Variants in NOVA1 observed in about 807,000 individuals in gnomAD.
NOVA1 encodes RNA-binding protein Nova-1.
A neutral mutation model predicts 38.0 loss-of-function variants in NOVA1; 7 were observed. The ratio of observed to expected loss-of-function variants is 0.18; its 90% CI spans 0.10 to 0.35. The LOEUF (loss-of-function observed/expected upper bound fraction) is 0.35, where lower values mean the gene tolerates loss of function less well. Ranked by LOEUF, NOVA1 falls within the 10% of genes least tolerant of loss-of-function variation. The pLI, the probability that NOVA1 is intolerant of heterozygous loss-of-function variation, is 1.00. For missense variants in NOVA1, 460 were observed against 616.0 expected (o/e 0.75, Z 2.68); for synonymous variants, 270 against 232.5 (o/e 1.16, Z -1.47).
At chr14:26,531,692 T>G (rs1194136098) in intron 2 of NOVA1, among the ~76,000 whole-genome samples, 1 of 152,170 alleles carries the variant, frequency 6.6e-6, no homozygotes, top group Non-Finnish European at 1.5e-5. Flanking sequence ...TAAGACAGGT[T>G]TTTAAAAAGC....
chr14:26,524,867 TATTTTACAATGTGGAACAGGGTATTAC>T (rs1889187382), intron 2 of NOVA1, among the ~76,000 whole-genome samples: 1 of 152,218 alleles, frequency 6.6e-6, no homozygotes, highest in Admixed American at 6.5e-5. Context: ...AAGGTATCAA[TATTTTACAATGTGGAACAGGGTATTAC>T]AATCTGGGTA....
chr14:26,483,401 T>G (rs1885619019), intron 2 of NOVA1, among the ~76,000 whole-genome samples: 1 of 152,218 alleles, frequency 6.6e-6, no homozygotes, highest in Non-Finnish European at 1.5e-5. Context: ...ATGTTGTAAT[T>G]TCTACAATTT....
Position 26,453,079 on chromosome 14 carries a change from C to A in NOVA1, c.520-4116G>T, listed in dbSNP as rs138266837. Among the ~76,000 whole-genome samples the A allele has an allele frequency of 3.8e-3, 572 of 152,224 alleles. 3 individuals are homozygous for A. Among genetic ancestry groups the A allele is most frequent in the African/African-American group, 0.013 (548 of 41,544 alleles). Reference sequence around the variant, plus strand: ...ACTCTTTTTTCACAACCAAGTATTTCCATAAATTTGGTCACTATTGTTTCG... The same window carrying A: ...ACTCTTTTTTCACAACCAAGTATTTACATAAATTTGGTCACTATTGTTTCG... On this transcript the variant is annotated intron_variant, in intron 4 of 4. Transcript: ENST00000539517.
chr14:26,462,358 GA>G (rs1312917196), intron 4 of NOVA1, among the ~76,000 whole-genome samples: 5 of 150,682 alleles, frequency 3.3e-5, no homozygotes, highest in East Asian at 2.0e-4. Flanking sequence ...ATTAACACTT[GA>G]AAAAAAAGAG....
chr14:26,456,978 CAT>C (rs141026086), intron 4 of NOVA1, among the ~76,000 whole-genome samples: 27 of 150,370 alleles, frequency 1.8e-4, no homozygotes, highest in East Asian at 5.9e-4. Context: ...CACACACACA[CAT>C]ATATATATAT....
intron 2 of NOVA1, chr14:26,594,091 T>G (rs1894029750): frequency 6.6e-6 from 1 of 152,002 alleles, no homozygotes; most frequent in Non-Finnish European, 1.5e-5. Context: ...GTTAGCAAAC[T>G]TTCTTAATGC....
chr14:26,509,188 G>T, intron 2 of NOVA1, among the ~76,000 whole-genome samples: 1 of 152,158 alleles, frequency 6.6e-6, no homozygotes, highest in Middle Eastern at 3.4e-3. Context: ...TTTTTTAAGA[G>T]AATAGTAAGC....
At chr14:26,563,287 C>A (rs77315586) in intron 2 of NOVA1, among the ~76,000 whole-genome samples, 2,838 of 150,796 alleles carry the variant, frequency 0.019, 95 homozygotes, top group African/African-American at 0.065. Context: ...GACATTAGAA[C>A]TGATGGTTAC....
chr14:26,504,111 A>T (rs1257380825), intron 2 of NOVA1, among the ~76,000 whole-genome samples: 1 of 152,188 alleles, frequency 6.6e-6, no homozygotes. Flanking sequence ...TAAGTCATTC[A>T]TAATTTATAA....
chr14:26,449,260 G>A (rs1036076323), intron 4 of NOVA1, among the ~76,000 whole-genome samples: 2 of 152,112 alleles, frequency 1.3e-5, no homozygotes, highest in Non-Finnish European at 1.5e-5. Context: ...AACAAGAGGG[G>A]ATCATAACTA....
intron 2 of NOVA1, among the ~76,000 whole-genome samples, chr14:26,525,867 G>A (rs1356242190): frequency 6.6e-6 from 1 of 151,846 alleles, no homozygotes; most frequent in Non-Finnish European, 1.5e-5. Context: ...TGTCTTGAGG[G>A]GCGTCAGGGA....
At position 26,443,226 on chromosome 14, in the gene NOVA1, C is replaced by G. The variant is rs1472057123; in HGVS notation, c.*4733G>C. On this transcript the variant is annotated 3_prime_UTR_variant, in exon 5 of 5. Transcript: ENST00000539517. ...GCTTGTTTATATATCTATGGTAACC[C>G]AAGTATTGGCTTCTGTACCACTTTG... is the stretch of plus-strand genomic sequence containing the variant. 1.3e-5 allele frequency: 2 copies of G among 151,876 alleles called. No homozygotes were observed. Among genetic ancestry groups the G allele is most frequent in the Admixed American group, 6.6e-5 (1 of 15,236 alleles). The allele number at this position is 151,876 out of a possible 1,614,324, so 9.4% of individuals were successfully genotyped here.
Position 26,595,414 on chromosome 14 carries a change from G to A in NOVA1, c.276C>T (p.Tyr92=). 1.2e-6 allele frequency: 2 copies of A among 1,613,402 alleles called. No individual in the cohort carries two copies. The highest frequency in any genetic ancestry group is 1.7e-6 in the Non-Finnish European group (2 of 1,179,686). ...TIKLSKSKDF[Y]PGTTERVCLI... ...TCTCTTCACCATTGCACCTACCTGG[G>A]TAAAAATCTTTGGACTTAGACAGCT... Residue 92 remains tyrosine, a synonymous_variant, in exon 2 of 5, where the codon TAC becomes TAT. Coordinates refer to ENST00000539517, the MANE Select transcript of NOVA1 (RefSeq NM_002515.3).
chr14:26,572,425 T>C (rs1289217889), intron 2 of NOVA1, among the ~76,000 whole-genome samples: 1 of 152,206 alleles, frequency 6.6e-6, no homozygotes, highest in Non-Finnish European at 1.5e-5. Flanking sequence ...TTTTTGACAC[T>C]GAGTTATTTA....
At chr14:26,453,510 AAAGT>A (rs1882905522) in intron 4 of NOVA1, among the ~76,000 whole-genome samples, 1 of 152,180 alleles carries the variant, frequency 6.6e-6, no homozygotes. Flanking sequence ...TTATCAGAAA[AAAGT>A]AATAAATTTA....
At chr14:26,470,689 C>T (rs1003435279) in intron 4 of NOVA1, among the ~76,000 whole-genome samples, 1 of 151,820 alleles carries the variant, frequency 6.6e-6, no homozygotes, top group Non-Finnish European at 1.5e-5. Context: ...TTAAAGAAAC[C>T]ATTTTATAAA....
chr14:26,452,965 T>C (rs893145715), intron 4 of NOVA1, among the ~76,000 whole-genome samples: 1 of 152,118 alleles, frequency 6.6e-6, no homozygotes, highest in African/African-American at 2.4e-5. Flanking sequence ...TATATAAGGT[T>C]ATAAAGGAGA....
chr14:26,563,079 C>A (rs1891922914), intron 2 of NOVA1, among the ~76,000 whole-genome samples: 1 of 151,996 alleles, frequency 6.6e-6, no homozygotes, highest in African/African-American at 2.4e-5. Flanking sequence ...ATCTAAGCAA[C>A]AAGTCTTGCT....
At chr14:26,518,719 T>C (rs1955179984) in intron 2 of NOVA1, among the ~76,000 whole-genome samples, 1 of 152,094 alleles carries the variant, frequency 6.6e-6, no homozygotes, top group African/African-American at 2.4e-5. Flanking sequence ...AGTAACCCTA[T>C]TCTGCAATAG....
Sources: allele counts gnomAD v4.1 joint callset (sites outside exome capture counted in the v4.1 genomes callset), GRCh38; gene constraint gnomAD v4.1.1; transcripts MANE v1.5; gene names NCBI Gene and HGNC (gene_info 2026-07-23, HGNC 2026-07-21).